Variants in MACROD1 observed in about 807,000 individuals in gnomAD.
MACROD1 encodes ADP-ribose glycohydrolase MACROD1.
MACROD1 carries 31 observed loss-of-function variants against 41.4 expected under a neutral mutation model. The observed-to-expected ratio is 0.75, with a 90% CI of 0.56 to 1.01. The LOEUF (loss-of-function observed/expected upper bound fraction) is 1.01, where lower values mean the gene tolerates loss of function less well. Among genes scored for constraint, MACROD1 ranks in the 50% least tolerant of loss-of-function variants. The probability of loss-of-function intolerance (pLI) is 0.00; values close to 1 mark genes in which losing one functional copy is unlikely to be tolerated. For synonymous variants in MACROD1, 252 were observed against 203.4 expected, an observed-to-expected ratio of 1.24 and a Z score of -2.03; for missense variants, 473 against 460.0, an observed-to-expected ratio of 1.03 and a Z score of -0.26.
chr11:64,050,568 G>A (rs1292190472), intron 3 of MACROD1, among the ~76,000 whole-genome samples: 2 of 152,202 alleles, frequency 1.3e-5, no homozygotes, highest in African/African-American at 2.4e-5. Flanking sequence ...CCCTCACAGC[G>A]CTAAGGACAG....
chr11:63,999,801 C>T (rs752156441), intron 5 of MACROD1, 38 bp from the exon 6 acceptor site: 11 of 1,585,412 alleles, frequency 6.9e-6, no homozygotes, highest in Non-Finnish European at 9.4e-6. Flanking sequence ...CGGGGGTCTA[C>T]GCGGTCCTCA....
chr11:64,000,087 G>A (rs1942794562), intron 5 of MACROD1, 140 bp downstream of exon 5: 1 of 674,064 alleles, frequency 1.5e-6, no homozygotes, highest in South Asian at 1.9e-5. Context: ...CGGGGTGGGG[G>A]CCGGGTCTTG....
intron 3 of MACROD1, among the ~76,000 whole-genome samples, chr11:64,123,948 T>C (rs974804395): frequency 3.9e-5 from 6 of 152,184 alleles, no homozygotes; most frequent in Admixed American, 3.9e-4. Flanking sequence ...GTGCTTTGAC[T>C]AGAAGATCCT....
intron 3 of MACROD1, among the ~76,000 whole-genome samples, chr11:64,131,485 C>A (rs763900754): frequency 5.3e-5 from 8 of 152,180 alleles, no homozygotes; most frequent in Non-Finnish European, 1.2e-4. Flanking sequence ...TGCTACCACG[C>A]CCAGCTAATT....
At chr11:64,106,890 AT>A (rs988619028) in intron 3 of MACROD1, among the ~76,000 whole-genome samples, 1 of 150,280 alleles carries the variant, frequency 6.7e-6, no homozygotes, top group Admixed American at 6.6e-5. Flanking sequence ...ATTTTATTTT[AT>A]TTTTTTTTGA....
chr11:64,141,999 C>A (rs1308363631), intron 3 of MACROD1, among the ~76,000 whole-genome samples: 1 of 152,246 alleles, frequency 6.6e-6, no homozygotes, highest in African/African-American at 2.4e-5. Flanking sequence ...AGGGCAGGCA[C>A]TGGGTTACAC....
chr11:64,107,488 G>A (rs575442284), intron 3 of MACROD1, among the ~76,000 whole-genome samples: 70 of 152,184 alleles, frequency 4.6e-4, no homozygotes, highest in Non-Finnish European at 7.9e-4. Flanking sequence ...TGGCACCAGC[G>A]CCACCCAGCC....
Position 63,998,862 on chromosome 11 carries a change from G to T in MACROD1, c.*6C>A. On this transcript the variant is annotated 3_prime_UTR_variant, in exon 10 of 11. Transcript: ENST00000255681. ...CCAGTCCCGGTCAGGGTGGGCTGCG[G>T]GAGCCTCAGGCTGGAAGGCAGAGGA... 6.3e-7 allele frequency: 1 copy of T among 1,592,028 alleles called. No homozygotes were observed.
rs902404004 is a variant in MACROD1, at chr11:64,036,839, G to A, written c.518-21558C>T. Among the ~76,000 whole-genome samples, 2 of 152,174 alleles carry A rather than the reference G, an allele frequency of 1.3e-5. No individual in the cohort carries two copies. The highest frequency in any genetic ancestry group is 2.4e-5 in the African/African-American group (1 of 41,438). The stretch of plus-strand genomic sequence containing the variant: ...CCCCATCCCCCAGCTCTCAAGACAA[G>A]GAGGCGGCCCGACCCGGCGGCGCAC... On this transcript the variant is annotated intron_variant, in intron 3 of 10. Coordinates refer to ENST00000255681, the MANE Select transcript of MACROD1 (RefSeq NM_014067.4). The surrounding 1 kb of genome is among the most constrained non-coding windows in gnomAD (Gnocchi z 5.6).
At position 63,999,085 on chromosome 11, in the gene MACROD1, A is replaced by G. The variant is rs376517850; in HGVS notation, c.892-49T>C. On this transcript the variant is annotated intron_variant, in intron 8 of 10. Transcript: ENST00000255681. ...GGGCCGAGCTGCCACGCCTGGCCCCAGGATCCTGTGACTGCCTGCCCTGGT... is the reference window on the plus strand; with the variant it reads ...GGGCCGAGCTGCCACGCCTGGCCCCGGGATCCTGTGACTGCCTGCCCTGGT... 68 of 1,523,684 alleles carry G rather than the reference A, an allele frequency of 4.5e-5. No homozygotes were observed. The African/African-American group carries it at 9.3e-4, about 21-fold the overall frequency. 94.4% of individuals were successfully genotyped at this position (1,523,684 alleles called of 1,614,324 possible). A position where few individuals can be genotyped will look rare whatever the true frequency, so the allele number is the denominator to read the frequency against.
rs536952713 is a variant in MACROD1 at position 64,008,056 on chromosome 11, G to T, written c.547+7196C>A. ...GCGATGGGAGATAGCGCCAGAGCAG[G>T]GCGCGGAGCGCTTGTGAGCCGGGCA... On this transcript the variant is annotated intron_variant, in intron 4 of 10. Transcript: ENST00000255681. Among the ~76,000 whole-genome samples, 13 of 152,364 alleles carry T rather than the reference G, an allele frequency of 8.5e-5. No homozygotes were observed. The East Asian group carries it at 2.5e-3, about 29-fold the overall frequency.
intron 3 of MACROD1, among the ~76,000 whole-genome samples, chr11:64,083,280 C>CA (rs940855123): frequency 2.0e-4 from 31 of 152,106 alleles, no homozygotes; most frequent in Non-Finnish European, 3.5e-4. Context: ...TACTAAAATA[C>CA]AAAAAAACAG....
chr11:64,153,333 C>A (rs890151843), intron 1 of MACROD1, among the ~76,000 whole-genome samples: 2 of 152,196 alleles, frequency 1.3e-5, no homozygotes. Context: ...GCAGCCCCCA[C>A]GGCAAACAGC....
chr11:64,130,794 T>G (rs1017506145), intron 3 of MACROD1, among the ~76,000 whole-genome samples: 3 of 152,022 alleles, frequency 2.0e-5, no homozygotes, highest in Non-Finnish European at 4.4e-5. Context: ...GAGGACCTTC[T>G]CCTCCTGCGG....
intron 3 of MACROD1, among the ~76,000 whole-genome samples, chr11:64,040,772 T>TG (rs1481734170): frequency 6.6e-6 from 1 of 151,974 alleles, no homozygotes; most frequent in African/African-American, 2.4e-5. Flanking sequence ...GGAAGTGGGC[T>TG]GGGGTGCAGG....
chr11:64,156,196 G>A (rs953677720), intron 1 of MACROD1, among the ~76,000 whole-genome samples: 4 of 151,976 alleles, frequency 2.6e-5, no homozygotes, highest in Admixed American at 6.6e-5. Context: ...CAGGAGGATC[G>A]CTTCAGCCTG....
chr11:64,015,211 A>T (rs1188303501), intron 4 of MACROD1, 41 bp downstream of exon 4: 12 of 1,557,202 alleles, frequency 7.7e-6, no homozygotes, highest in Non-Finnish European at 1.0e-5. Context: ...AGCAGGGGAG[A>T]TGCCACACCC....
chr11:64,124,282 C>T (rs996130570), intron 3 of MACROD1, among the ~76,000 whole-genome samples: 1 of 152,212 alleles, frequency 6.6e-6, no homozygotes. Flanking sequence ...GCCCAGGCTG[C>T]GTCCTGGACC....
chr11:64,129,673 G>A (rs373058205), intron 3 of MACROD1, among the ~76,000 whole-genome samples: 6 of 152,154 alleles, frequency 3.9e-5, no homozygotes, highest in Admixed American at 2.0e-4. Context: ...AGAGGCAACC[G>A]TACAGGGTGG....
Sources: gnomAD v4.1 joint callset for allele counts (sites outside exome capture counted in the v4.1 genomes callset) on GRCh38, gnomAD v4.1.1 for gene constraint, Gnocchi (gnomAD v3.1) non-coding constraint, MANE v1.5 for transcripts, NCBI Gene and HGNC (gene_info 2026-07-23, HGNC 2026-07-21) for gene names.